Variants in PRKN observed in about 807,000 individuals in gnomAD.
PRKN encodes parkin RBR E3 ubiquitin protein ligase.
A neutral mutation model predicts 59.5 loss-of-function variants in PRKN; 56 were observed. The ratio of observed to expected loss-of-function variants is 0.94; its 90% CI spans 0.76 to 1.18. The LOEUF is 1.18. PRKN is among the 50% of genes most tolerant of loss of function. PRKN has a pLI of 0.00. For missense variants in PRKN, 657 were observed against 596.4 expected (o/e 1.10, Z -1.06); for synonymous variants, 250 against 222.1 (o/e 1.13, Z -1.12).
At chr6:162,050,931 A>C (rs1777611820) in intron 5 of PRKN, among the ~76,000 whole-genome samples, 1 of 152,090 alleles carries the variant, frequency 6.6e-6, no homozygotes, top group Admixed American at 6.5e-5. Flanking sequence ...TGAACCTATA[A>C]ACACATGGTG....
intron 7 of PRKN, among the ~76,000 whole-genome samples, chr6:161,658,025 A>AG (rs1378533282): frequency 2.1e-5 from 3 of 145,606 alleles, no homozygotes; most frequent in Non-Finnish European, 3.0e-5. Context: ...CAAAAAAAAA[A>AG]AAAAAAAAAG....
chr6:161,558,796 C>T (rs1780341452), intron 8 of PRKN, among the ~76,000 whole-genome samples: 1 of 151,912 alleles, frequency 6.6e-6, no homozygotes, highest in South Asian at 2.1e-4. Context: ...TGTCAGTAAT[C>T]TTCATCTTCC....
chr6:162,094,160 C>T (rs541701810), intron 4 of PRKN, among the ~76,000 whole-genome samples: 1 of 152,268 alleles, frequency 6.6e-6, no homozygotes, highest in African/African-American at 2.4e-5. Context: ...ACAAGCAGCC[C>T]AGTGCCCATC....
intron 7 of PRKN, among the ~76,000 whole-genome samples, chr6:161,702,074 T>C (rs1395334024): frequency 6.6e-6 from 1 of 152,252 alleles, no homozygotes; most frequent in African/African-American, 2.4e-5. Flanking sequence ...GTCATCTATA[T>C]TTATAATCAT....
chr6:162,307,281 T>G (rs557185823), intron 2 of PRKN, among the ~76,000 whole-genome samples: 1 of 151,378 alleles, frequency 6.6e-6, no homozygotes, highest in South Asian at 2.1e-4. Flanking sequence ...GCGCCTATAA[T>G]CCCAGCTACT....
chr6:161,822,336 T>G (rs74732312), intron 6 of PRKN, among the ~76,000 whole-genome samples: 1 of 152,148 alleles, frequency 6.6e-6, no homozygotes. Context: ...TGTTGGAATG[T>G]AGACGCAACA....
At chr6:162,674,131 A>T (rs1414048146) in intron 1 of PRKN, among the ~76,000 whole-genome samples, 1 of 152,206 alleles carries the variant, frequency 6.6e-6, no homozygotes, top group African/African-American at 2.4e-5. Flanking sequence ...TACAGCTTTG[A>T]CTGTATGCAA....
At chr6:161,747,318 AC>A (rs2128193474) in intron 7 of PRKN, among the ~76,000 whole-genome samples, 2 of 152,264 alleles carry the variant, frequency 1.3e-5, no homozygotes, top group South Asian at 4.1e-4. Flanking sequence ...TTAGATATCA[AC>A]CTACTTGCCT....
intron 4 of PRKN, among the ~76,000 whole-genome samples, chr6:162,129,816 TA>T (rs1781273391): frequency 6.6e-6 from 1 of 151,994 alleles, no homozygotes; most frequent in East Asian, 1.9e-4. Flanking sequence ...AGTAAATATA[TA>T]CAGTAAGTCC....
intron 6 of PRKN, among the ~76,000 whole-genome samples, chr6:161,832,081 C>T (rs541430207): frequency 6.6e-6 from 1 of 152,332 alleles, no homozygotes; most frequent in Non-Finnish European, 1.5e-5. Context: ...ACTAGATTCA[C>T]ATGTTCTTCC....
At chr6:161,818,963 GC>G (rs1253202619) in intron 6 of PRKN, among the ~76,000 whole-genome samples, 2 of 152,154 alleles carry the variant, frequency 1.3e-5, no homozygotes, top group Admixed American at 6.5e-5. Context: ...CTGTGGTTAG[GC>G]CTGGAGACAT....
chr6:162,248,992 C>G (rs1488026774), intron 3 of PRKN, among the ~76,000 whole-genome samples: 1 of 151,932 alleles, frequency 6.6e-6, no homozygotes, highest in Non-Finnish European at 1.5e-5. Flanking sequence ...GATTCTCCTG[C>G]CTCAGCCTCC....
chr6:161,375,204 AG>A (rs1168979117), intron 10 of PRKN, among the ~76,000 whole-genome samples: 4 of 152,120 alleles, frequency 2.6e-5, no homozygotes, highest in Non-Finnish European at 4.4e-5. Flanking sequence ...GCTCCTGCAG[AG>A]GGAGGACGCC....
intron 4 of PRKN, among the ~76,000 whole-genome samples, chr6:162,119,001 T>G (rs902415655): frequency 6.6e-6 from 1 of 152,214 alleles, no homozygotes; most frequent in African/African-American, 2.4e-5. Context: ...AAATGAGGTA[T>G]GCCTATTGGT....
intron 2 of PRKN, among the ~76,000 whole-genome samples, chr6:162,338,830 C>G (rs1193343117): frequency 6.6e-6 from 1 of 151,212 alleles, no homozygotes; most frequent in Non-Finnish European, 1.5e-5. Context: ...CGGCCACCAT[C>G]ACATCTAGGA....
chr6:161,598,497 C>A (rs1406449442), intron 7 of PRKN, among the ~76,000 whole-genome samples: 1 of 152,188 alleles, frequency 6.6e-6, no homozygotes, highest in African/African-American at 2.4e-5. Flanking sequence ...TTTAAGCATT[C>A]TGAATCTTAA....
At chr6:161,851,764 C>T (rs959653872) in intron 6 of PRKN, among the ~76,000 whole-genome samples, 2 of 150,266 alleles carry the variant, frequency 1.3e-5, no homozygotes, top group African/African-American at 4.9e-5. Flanking sequence ...GTGTGAGTCA[C>T]CGCACCTGGC....
chr6:161,976,059 T>A (rs368955477), intron 5 of PRKN, among the ~76,000 whole-genome samples: 507 of 152,176 alleles, frequency 3.3e-3, no homozygotes, highest in African/African-American at 0.012. Context: ...GCACCCGCCA[T>A]CATGCCAGGC....
chr6:162,419,326 T>C (rs990439410), intron 2 of PRKN, among the ~76,000 whole-genome samples: 5 of 152,192 alleles, frequency 3.3e-5, no homozygotes, highest in Non-Finnish European at 7.3e-5. Flanking sequence ...GTTTTGATTA[T>C]ATTGCAAAGT....
Sources: allele counts gnomAD v4.1 joint callset (sites outside exome capture counted in the v4.1 genomes callset), GRCh38; gene constraint gnomAD v4.1.1; transcripts MANE v1.5; gene names NCBI Gene and HGNC (gene_info 2026-07-23, HGNC 2026-07-21).